ATP13A4: variants seen among roughly 807,000 people sequenced by gnomAD.
The protein encoded by ATP13A4 is ATPase 13A4.
Under a neutral mutation model 142.5 loss-of-function variants are expected in ATP13A4, and 114 were observed. That is an observed-to-expected ratio of 0.80 (90% CI 0.69 to 0.93). ATP13A4 has a LOEUF of 0.93. Among genes scored for constraint, ATP13A4 ranks in the 40% least tolerant of loss-of-function variants. The probability of loss-of-function intolerance (pLI) is 0.00; values close to 1 mark genes in which losing one functional copy is unlikely to be tolerated. For missense variants in ATP13A4, 1,392 were observed against 1,454.0 expected, an observed-to-expected ratio of 0.96 and a Z score of 0.69; for synonymous variants, 488 against 514.8, an observed-to-expected ratio of 0.95 and a Z score of 0.70.
intron 13 of ATP13A4, among the ~76,000 whole-genome samples, chr3:193,459,631 G>T (rs138509889): frequency 4.6e-5 from 7 of 152,264 alleles, no homozygotes; most frequent in Non-Finnish European, 1.0e-4. Context: ...CAAGGATGGG[G>T]TTTCACCATG....
intron 2 of ATP13A4, among the ~76,000 whole-genome samples, chr3:193,572,904 G>A (rs1310287509): frequency 6.6e-6 from 1 of 150,900 alleles, no homozygotes; most frequent in East Asian, 1.9e-4. Context: ...GAACTGGGCA[G>A]ATCACTTGAG....
intron 29 of ATP13A4, among the ~76,000 whole-genome samples, chr3:193,405,915 T>TC (rs1382637768): frequency 6.6e-6 from 1 of 151,870 alleles, no homozygotes; most frequent in African/African-American, 2.4e-5. Context: ...ATACACTAGA[T>TC]CCCCCTCTAA....
intron 7 of ATP13A4, among the ~76,000 whole-genome samples, chr3:193,487,015 G>C (rs141687203): frequency 1.3e-5 from 2 of 152,096 alleles, no homozygotes; most frequent in Admixed American, 6.5e-5. Flanking sequence ...GAGAAAAATG[G>C]AGCCTTTACA....
intron 1 of ATP13A4, among the ~76,000 whole-genome samples, chr3:193,592,023 G>A (rs917119789): frequency 6.6e-6 from 1 of 151,710 alleles, no homozygotes; most frequent in Admixed American, 6.6e-5. Context: ...TACTATCAAT[G>A]GCTAGGTCTA....
rs1716228138 is a variant in ATP13A4, at chr3:193,435,702, C to G, written c.2715G>C (p.Lys905Asn). 1.2e-6 allele frequency: 2 copies of G among 1,613,934 alleles called. No homozygotes were observed. Among genetic ancestry groups the G allele is most frequent in the Middle Eastern group, 1.6e-4 (1 of 6,084 alleles). Residue 905 changes from lysine (K) to asparagine (N), a missense_variant, in exon 24 of 30, where the codon AAG becomes AAC. Lys to Asn is a moderately conservative substitution (Grantham distance 94). Coordinates refer to ENST00000342695, the MANE Select transcript of ATP13A4 (RefSeq NM_032279.4). ...AALVTSFCMF[K>N]YMALYSMIQY... ...GAATCATGCTGTACAGAGCCATGTA[C>G]TTAAACATGCAAAAGGAGGTAACGA... is the stretch of plus-strand genomic sequence containing the variant.
intron 2 of ATP13A4, among the ~76,000 whole-genome samples, chr3:193,509,999 C>T (rs915947490): frequency 2.0e-5 from 3 of 152,120 alleles, no homozygotes; most frequent in African/African-American, 7.2e-5. Context: ...TGAATGAATG[C>T]ATGCATGAAT....
intron 12 of ATP13A4, among the ~76,000 whole-genome samples, chr3:193,463,092 C>T (rs1466097648): frequency 6.6e-6 from 1 of 152,076 alleles, no homozygotes; most frequent in Admixed American, 6.5e-5. Context: ...AAGATCAGCA[C>T]TTCAAGGAGG....
At chr3:193,419,192 G>GC (rs1715279931) in intron 25 of ATP13A4, among the ~76,000 whole-genome samples, 1 of 150,010 alleles carries the variant, frequency 6.7e-6, no homozygotes, top group Non-Finnish European at 1.5e-5. Flanking sequence ...GCTGCACCCT[G>GC]CCCCTAGGGA....
intron 22 of ATP13A4, 80 bp from the exon 23 acceptor site, chr3:193,438,664 AG>A: frequency 2.4e-6 from 3 of 1,231,430 alleles, no homozygotes; most frequent in Non-Finnish European, 3.5e-6. Flanking sequence ...AGGCCAGTTA[AG>A]CTGGCCACAA....
chr3:193,514,040 T>C (rs1472326449), intron 2 of ATP13A4, among the ~76,000 whole-genome samples: 1 of 152,238 alleles, frequency 6.6e-6, no homozygotes, highest in Admixed American at 6.5e-5. Context: ...AAGAAATATC[T>C]TGTGAAATCG....
intron 1 of ATP13A4, among the ~76,000 whole-genome samples, chr3:193,535,909 C>T (rs1464739106): frequency 2.0e-5 from 3 of 151,842 alleles, no homozygotes; most frequent in Non-Finnish European, 2.9e-5. Flanking sequence ...GCTTGAAAAA[C>T]ACAAACTATT....
chr3:193,529,912 C>T (rs1258378943), intron 1 of ATP13A4, among the ~76,000 whole-genome samples: 3 of 152,166 alleles, frequency 2.0e-5, no homozygotes, highest in African/African-American at 7.2e-5. Context: ...GAAAAAGTTG[C>T]TCAGTGCTGA....
chr3:193,592,158 G>C (rs1017384300), intron 1 of ATP13A4, among the ~76,000 whole-genome samples: 12 of 149,902 alleles, frequency 8.0e-5, no homozygotes, highest in African/African-American at 3.0e-4. Context: ...CGGGTAGTGG[G>C]GAGGAGGTGA....
chr3:193,534,003 C>A (rs536661961), intron 1 of ATP13A4, among the ~76,000 whole-genome samples: 1 of 152,152 alleles, frequency 6.6e-6, no homozygotes, highest in African/African-American at 2.4e-5. Flanking sequence ...TTCCTAACTA[C>A]CCCCTTTCAT....
intron 2 of ATP13A4, among the ~76,000 whole-genome samples, chr3:193,574,245 T>C (rs977362146): frequency 1.3e-5 from 2 of 152,230 alleles, no homozygotes; most frequent in African/African-American, 4.8e-5. Context: ...CCACCCGTAG[T>C]GAAGGAAGGA....
Position 193,467,475 on chromosome 3 carries a change from G to A in ATP13A4, c.955C>T (p.Pro319Ser). Residue 319 changes from proline (P) to serine (S), a missense_variant, in exon 10 of 30, where the codon CCA becomes TCA. Coordinates refer to ENST00000342695, the MANE Select transcript of ATP13A4 (RefSeq NM_032279.4). ...TTGGGTAACGGAGTTTTGGTGACTG[G>A]AATACTTTCTCCTACAGAAAACAAG... ...DEGMLTGESIPVTKTPLPKMD... is the reference protein window; with the variant it reads ...DEGMLTGESISVTKTPLPKMD... 1 of 1,613,410 alleles carries A rather than the reference G, an allele frequency of 6.2e-7. No homozygotes were observed.
At chr3:193,499,076 G>A (rs1373143177) in intron 3 of ATP13A4, among the ~76,000 whole-genome samples, 2 of 152,222 alleles carry the variant, frequency 1.3e-5, no homozygotes, top group African/African-American at 4.8e-5. Context: ...AGGTACACAT[G>A]TGCACGTGTG....
At chr3:193,571,829 A>G (rs1724272815) in intron 2 of ATP13A4, among the ~76,000 whole-genome samples, 1 of 152,188 alleles carries the variant, frequency 6.6e-6, no homozygotes, top group South Asian at 2.1e-4. Context: ...ATCCTGGTAC[A>G]TGAAAAGGAC....
In ATP13A4 at chr3:193,495,243, G is replaced by A. The variant is rs1349731785; in HGVS notation, c.382-2083C>T. ...GAGGAAAATATTTCCAAATTAATAT[G>A]CATCAGGTGATATGCATCACCCTGA... On this transcript the variant is annotated intron_variant, in intron 3 of 29. Transcript: ENST00000342695. Among the ~76,000 whole-genome samples, 4 of 152,078 alleles carry A rather than the reference G, an allele frequency of 2.6e-5. No homozygotes were observed. In the South Asian group the frequency reaches 8.3e-4, roughly 32 times the overall value.
Sources: allele counts gnomAD v4.1 joint callset (sites outside exome capture counted in the v4.1 genomes callset), GRCh38; gene constraint gnomAD v4.1.1; transcripts MANE v1.5; gene names NCBI Gene and HGNC (gene_info 2026-07-23, HGNC 2026-07-21).